Variants in WNT4 observed in about 807,000 individuals in gnomAD.
WNT4 encodes protein Wnt-4.
WNT4 carries 16 observed loss-of-function variants against 34.5 expected under a neutral mutation model. The ratio of observed to expected loss-of-function variants is 0.46; its 90% CI spans 0.31 to 0.70. The LOEUF is 0.70. Among genes scored for constraint, WNT4 ranks in the 30% least tolerant of loss-of-function variants. The probability of loss-of-function intolerance (pLI) is 0.04; values close to 1 mark genes in which losing one functional copy is unlikely to be tolerated. For synonymous variants in WNT4, 200 were observed against 211.9 expected (o/e 0.94, Z 0.49); for missense variants, 379 against 495.9 (o/e 0.76, Z 2.24).
intron 1 of WNT4, 83 bp from the exon 2 acceptor site, chr1:22,129,934 C>T: frequency 6.7e-7 from 1 of 1,503,718 alleles, no homozygotes; most frequent in South Asian, 1.1e-5. Context: ...CAGCCCGGGT[C>T]TCTGGGAACT....
chr1:22,127,531 G>C (rs775146776), intron 2 of WNT4: 1 of 506,352 alleles, frequency 2.0e-6, no homozygotes, highest in Admixed American at 2.1e-5. Context: ...CAAAGGGCCC[G>C]AGTCCTAGTG....
intron 1 of WNT4, among the ~76,000 whole-genome samples, chr1:22,138,736 A>G (rs1236456253): frequency 2.0e-5 from 3 of 152,118 alleles, no homozygotes; most frequent in Non-Finnish European, 4.4e-5. Flanking sequence ...CACTTCCTGG[A>G]GGAGGTGGGC....
intron 1 of WNT4, among the ~76,000 whole-genome samples, chr1:22,132,497 T>G (rs1645991870): frequency 1.3e-5 from 2 of 152,112 alleles, no homozygotes; most frequent in Admixed American, 6.5e-5. Flanking sequence ...TCGGAGTTGG[T>G]GGGCCTCCTT....
At chr1:22,120,940 AGTGT>A (rs1189861320) in intron 4 of WNT4, among the ~76,000 whole-genome samples, 1 of 151,778 alleles carries the variant, frequency 6.6e-6, no homozygotes, top group Non-Finnish European at 1.5e-5. Context: ...TTGGGGAATG[AGTGT>A]GTGTGAGAGA....
Position 22,142,829 on chromosome 1 carries a change from G to A in WNT4, c.77+17C>T. On this transcript the variant is annotated intron_variant, in intron 1 of 4. Coordinates refer to ENST00000290167, the MANE Select transcript of WNT4 (RefSeq NM_030761.5). The surrounding 1 kb of genome is among the most constrained non-coding windows in gnomAD (Gnocchi z 6.0). Reference sequence around the variant, plus strand: ...GCCCCGCCCCGCCCCGCCCCGCTCGGCCCCGGCCAGACTTACAGCCAGTTG... The same window carrying A: ...GCCCCGCCCCGCCCCGCCCCGCTCGACCCCGGCCAGACTTACAGCCAGTTG... 2 of 1,195,018 alleles carry A rather than the reference G, an allele frequency of 1.7e-6. No individual in the cohort carries two copies. The highest frequency in any genetic ancestry group is 1.4e-5 in the South Asian group (1 of 70,762). 74.0% of individuals were successfully genotyped at this position (1,195,018 alleles called of 1,614,324 possible). A position where few individuals can be genotyped will look rare whatever the true frequency, so the allele number is the denominator to read the frequency against.
rs1190360868 is a variant in WNT4, at chr1:22,134,954, G to A, written c.78-5103C>T. ...GGACACGCTCCCCCGGGGTACAGTG[G>A]ATGACCTCAGCAGCCATCCCAATGG... On this transcript the variant is annotated intron_variant, in intron 1 of 4. Transcript: ENST00000290167. The surrounding 1 kb of genome is among the most constrained non-coding windows in gnomAD (Gnocchi z 4.1). 6.6e-6 allele frequency among the ~76,000 whole-genome samples: 1 copy of A among 152,204 alleles called. No individual in the cohort carries two copies. The highest frequency in any genetic ancestry group is 2.4e-5 in the African/African-American group (1 of 41,452).
At chr1:22,124,850 C>T (rs1045944237) in intron 2 of WNT4, among the ~76,000 whole-genome samples, 3 of 152,230 alleles carry the variant, frequency 2.0e-5, no homozygotes, top group Admixed American at 6.5e-5. Context: ...CGTATCTTGT[C>T]GGAGGTGAGG....
In WNT4 at chr1:22,120,655, G is replaced by C. The variant is rs12756110; in HGVS notation, c.589-138C>G. 780,374 of 845,138 alleles carry C rather than the reference G, an allele frequency of 0.92. 360,686 individuals are homozygous for C. Among genetic ancestry groups the C allele is most frequent in the East Asian group, 1 (37,474 of 37,482 alleles). The allele number at this position is 845,138 out of a possible 1,614,324, so 52.4% of individuals were successfully genotyped here. Reference sequence around the variant, plus strand: ...AGATTTGCCGTTGTGCCTCCTCTTAGGAATTACGCGGTACTGGGCTGCTAA... The same window carrying C: ...AGATTTGCCGTTGTGCCTCCTCTTACGAATTACGCGGTACTGGGCTGCTAA... On this transcript the variant is annotated intron_variant, in intron 4 of 4. Transcript: ENST00000290167.
In WNT4 at chr1:22,120,250, TGC is replaced by T. The variant is rs759475136; in HGVS notation, c.854_855del (p.Arg285GlnfsTer22). 6.2e-7 allele frequency: 1 copy of T among 1,614,168 alleles called. No homozygotes were observed. The highest frequency in any genetic ancestry group is 8.5e-7 in the Non-Finnish European group (1 of 1,180,026). ...PSPDFCEQDM[R>X]SGVLGTRGRT... ...CGGCCCCTCGTGCCCAGCACGCCGC[TGC>T]GCATGTCCTGCTCACAGAAGTCGGG... On this transcript the variant is annotated frameshift_variant, in exon 5 of 5. Transcript: ENST00000290167. LOFTEE classifies it high-confidence loss of function.
intron 2 of WNT4, among the ~76,000 whole-genome samples, chr1:22,126,430 A>C (rs1435082126): frequency 6.6e-6 from 1 of 152,204 alleles, no homozygotes; most frequent in Non-Finnish European, 1.5e-5. Context: ...AGAATCTCCC[A>C]GCCAAGAGTT....
chr1:22,121,008 G>A (rs1486433121), intron 4 of WNT4, among the ~76,000 whole-genome samples: 1 of 151,998 alleles, frequency 6.6e-6, no homozygotes, highest in African/African-American at 2.4e-5. Flanking sequence ...TATGGAGGGG[G>A]CCACTTACCC....
In WNT4 at chr1:22,119,886, G is replaced by A; in HGVS notation, c.*164C>T. 1.2e-6 allele frequency: 1 copy of A among 867,744 alleles called. No homozygotes were observed. The highest frequency in any genetic ancestry group is 1.7e-5 in the South Asian group (1 of 59,160). 53.8% of individuals were successfully genotyped at this position (867,744 alleles called of 1,614,324 possible). ...GGGGAGGCCCTGGTTGGTGCCCTTGGGGTTGCCTGCCTGGTTTCGGCAATA... is the reference window on the plus strand; with the variant it reads ...GGGGAGGCCCTGGTTGGTGCCCTTGAGGTTGCCTGCCTGGTTTCGGCAATA... On this transcript the variant is annotated 3_prime_UTR_variant, in exon 5 of 5. Transcript: ENST00000290167.
rs1179527372 is a variant in WNT4, at chr1:22,137,712, C to G, written c.77+5134G>C. ...GGGTCGTGACTGCTGCCTGAGCAAC[C>G]CCCTCGGGCAGAGCCTGGTCCTGGG... On this transcript the variant is annotated intron_variant, in intron 1 of 4. Transcript: ENST00000290167. The surrounding 1 kb of genome is among the most constrained non-coding windows in gnomAD (Gnocchi z 5.3). 6.6e-6 allele frequency among the ~76,000 whole-genome samples: 1 copy of G among 152,196 alleles called. No individual in the cohort carries two copies. The highest frequency in any genetic ancestry group is 1.5e-5 in the Non-Finnish European group (1 of 68,030).
intron 2 of WNT4, among the ~76,000 whole-genome samples, chr1:22,128,956 A>G (rs11582100): frequency 0.17 from 26,353 of 151,890 alleles, 2,386 homozygotes; most frequent in Middle Eastern, 0.21. Flanking sequence ...TCCTGACCTC[A>G]TGATCCGCCC....
rs144929110 is a variant in WNT4, at chr1:22,136,082, A to G, written c.78-6231T>C. 1.4e-3 allele frequency among the ~76,000 whole-genome samples: 219 copies of G among 151,658 alleles called. 3 individuals are homozygous for G. The highest frequency in any genetic ancestry group is 0.012 in the Admixed American group (181 of 15,250). On this transcript the variant is annotated intron_variant, in intron 1 of 4. Transcript: ENST00000290167. ...CCCACTTCCTGTTTGGGAGCCCCCA[A>G]CCCCATTTCCCATCTCACTGTATGT...
chr1:22,141,211 C>T (rs918265116), intron 1 of WNT4, among the ~76,000 whole-genome samples: 7 of 152,228 alleles, frequency 4.6e-5, no homozygotes, highest in East Asian at 1.9e-4. Context: ...CTGCAGATGT[C>T]GCTGTCTTCC....
intron 2 of WNT4, among the ~76,000 whole-genome samples, chr1:22,124,760 G>T (rs1176172810): frequency 1.3e-5 from 2 of 152,174 alleles, no homozygotes; most frequent in Non-Finnish European, 2.9e-5. Context: ...AAGCAGTTAG[G>T]AGTGTTTGGA....
In WNT4 at chr1:22,142,819, G is replaced by A; in HGVS notation, c.77+27C>T. 9.0e-7 allele frequency: 1 copy of A among 1,114,718 alleles called. No homozygotes were observed. Among genetic ancestry groups the A allele is most frequent in the Non-Finnish European group, 1.1e-6 (1 of 873,818 alleles). 69.1% of individuals were successfully genotyped at this position (1,114,718 alleles called of 1,614,324 possible). ...CCCGGGGCCTGCCCCGCCCCGCCCC[G>A]CCCCGCTCGGCCCCGGCCAGACTTA... On this transcript the variant is annotated intron_variant, in intron 1 of 4. Coordinates refer to ENST00000290167, the MANE Select transcript of WNT4 (RefSeq NM_030761.5). This position sits in a 1 kb window ranked among gnomAD's most constrained non-coding sequence, Gnocchi z 6.0.
intron 2 of WNT4, among the ~76,000 whole-genome samples, chr1:22,125,845 T>C (rs957211031): frequency 1.3e-5 from 2 of 152,150 alleles, no homozygotes; most frequent in African/African-American, 4.8e-5. Context: ...CCTCCCACCC[T>C]CACACCCTTT....
Sources: gnomAD v4.1 joint callset for allele counts (sites outside exome capture counted in the v4.1 genomes callset) on GRCh38, gnomAD v4.1.1 for gene constraint, Gnocchi (gnomAD v3.1) non-coding constraint, MANE v1.5 for transcripts, NCBI Gene and HGNC (gene_info 2026-07-23, HGNC 2026-07-21) for gene names.